LRRIQ1: variants seen among roughly 807,000 people sequenced by gnomAD.
LRRIQ1 encodes leucine-rich repeat- and IQ domain-containing protein 1.
In LRRIQ1, 210 loss-of-function variants were observed where a neutral mutation model predicts 211.9. The observed-to-expected ratio is 0.99, with a 90% CI of 0.89 to 1.11. The LOEUF is 1.11. LRRIQ1 is among the 50% of genes most tolerant of loss of function. LRRIQ1 has a pLI of 0.00. For missense variants in LRRIQ1, 2,136 were observed against 1,939.5 expected, an observed-to-expected ratio of 1.10 and a Z score of -1.90; for synonymous variants, 699 against 650.1, an observed-to-expected ratio of 1.08 and a Z score of -1.14.
At chr12:85,109,000 C>T (rs1178095713) in intron 15 of LRRIQ1, among the ~76,000 whole-genome samples, 1 of 151,968 alleles carries the variant, frequency 6.6e-6, no homozygotes, top group Non-Finnish European at 1.5e-5. Flanking sequence ...GCTATAACAC[C>T]TGATCCTAGG....
At chr12:85,221,079 T>C (rs1894381079) in intron 24 of LRRIQ1, among the ~76,000 whole-genome samples, 2 of 152,122 alleles carry the variant, frequency 1.3e-5, no homozygotes, top group African/African-American at 4.8e-5. Flanking sequence ...CCCAAAGTGC[T>C]GGAATTACAG....
chr12:85,061,153 G>A (rs570236599), intron 8 of LRRIQ1, among the ~76,000 whole-genome samples: 149 of 151,756 alleles, frequency 9.8e-4, no homozygotes, highest in African/African-American at 3.4e-3. Context: ...TTTATTTTAA[G>A]AAACATTTAC....
At chr12:85,148,751 A>G (rs1319997908) in intron 19 of LRRIQ1, among the ~76,000 whole-genome samples, 1 of 151,812 alleles carries the variant, frequency 6.6e-6, no homozygotes, top group East Asian at 1.9e-4. Flanking sequence ...GTTGAACTAA[A>G]TTACATTACC....
rs994769597 is a variant in LRRIQ1 at position 85,153,785 on chromosome 12, AT to A, written c.4637+29del. The A allele has an allele frequency of 8.7e-6, 12 of 1,372,886 alleles. No homozygotes were observed. In the African/African-American group the frequency reaches 1.2e-4, roughly 14 times the overall value. 85.0% of individuals were successfully genotyped at this position (1,372,886 alleles called of 1,614,324 possible). On this transcript the variant is annotated intron_variant, in intron 22 of 26. Transcript: ENST00000393217. Reference sequence around the variant, plus strand: ...TATGTAGTCAATTTGACACTAATAAATTAAAAAATTGAGAGATTGCTAAAAG... The same window carrying A: ...TATGTAGTCAATTTGACACTAATAAATAAAAAATTGAGAGATTGCTAAAAG...
chr12:85,207,806 G>A (rs1893637277), intron 24 of LRRIQ1, among the ~76,000 whole-genome samples: 1 of 151,984 alleles, frequency 6.6e-6, no homozygotes, highest in African/African-American at 2.4e-5. Flanking sequence ...CTATTGTATT[G>A]CCTTTTCTCT....
intron 23 of LRRIQ1, among the ~76,000 whole-genome samples, chr12:85,157,978 G>A (rs902932429): frequency 2.0e-5 from 3 of 151,570 alleles, no homozygotes; most frequent in African/African-American, 7.3e-5. Flanking sequence ...TAAGGGGGAG[G>A]GACCAGCAGG....
intron 24 of LRRIQ1, among the ~76,000 whole-genome samples, chr12:85,160,949 T>G (rs1199042643): frequency 1.3e-5 from 2 of 152,026 alleles, no homozygotes; most frequent in African/African-American, 4.8e-5. Context: ...AATTTTAATT[T>G]TTTTATTTAT....
intron 24 of LRRIQ1, among the ~76,000 whole-genome samples, chr12:85,187,809 CA>C (rs749849862): frequency 0.016 from 1,599 of 97,488 alleles, 23 homozygotes; most frequent in African/African-American, 0.05. Context: ...AACTTCATCT[CA>C]AAAAAAAAAA....
In LRRIQ1 at chr12:85,192,616, C is replaced by A. The variant is rs11608426; in HGVS notation, c.4822+31902C>A. Among the ~76,000 whole-genome samples, 55 of 100,088 alleles carry A rather than the reference C, an allele frequency of 5.5e-4. 11 individuals carry two copies. Among genetic ancestry groups the A allele is most frequent in the African/African-American group, 2.1e-3 (47 of 22,204 alleles). 65.7% of individuals were successfully genotyped at this position (100,088 alleles called of 152,430 possible). A position where few individuals can be genotyped will look rare whatever the true frequency, so the allele number is the denominator to read the frequency against. ...ATAATTGTGTATATATAGTTATATA[C>A]TATAATTATAAATAAATATATATAG... On this transcript the variant is annotated intron_variant, in intron 24 of 26. Coordinates refer to ENST00000393217, the MANE Select transcript of LRRIQ1 (RefSeq NM_001079910.2).
At position 85,127,909 on chromosome 12, in the gene LRRIQ1, A is replaced by G; in HGVS notation, c.4085A>G (p.His1362Arg). Reference protein sequence around the residue: ...RRQTHFSTRLHTAATEGLPNS... With the variant: ...RRQTHFSTRLRTAATEGLPNS... ...CAGACTCATTTCTCCACAAGGCTAC[A>G]TACTGCTGCAACAGAAGGCCTGCCA... is the stretch of plus-strand genomic sequence containing the variant. The change falls in exon 18 of 27, where the codon CAT (histidine) becomes CGT (arginine). Residue 1362 changes from histidine to arginine, a missense_variant. Transcript: ENST00000393217. 1.9e-6 allele frequency: 3 copies of G among 1,614,058 alleles called. No homozygotes were observed. Among genetic ancestry groups the G allele is most frequent in the South Asian group, 2.2e-5 (2 of 91,080 alleles).
chr12:85,156,287 A>T (rs1592897806), intron 23 of LRRIQ1, among the ~76,000 whole-genome samples: 1 of 151,780 alleles, frequency 6.6e-6, no homozygotes, highest in South Asian at 2.1e-4. Flanking sequence ...GATAAGTTTT[A>T]TACTCTTCTC....
At chr12:85,104,826 T>C (rs1886653418) in intron 14 of LRRIQ1, among the ~76,000 whole-genome samples, 1 of 152,046 alleles carries the variant, frequency 6.6e-6, no homozygotes, top group South Asian at 2.1e-4. Context: ...AATTGTTGGA[T>C]AATAGAGTAG....
chr12:85,219,819 A>C (rs954878918), intron 24 of LRRIQ1, among the ~76,000 whole-genome samples: 9 of 152,148 alleles, frequency 5.9e-5, no homozygotes, highest in Non-Finnish European at 8.8e-5. Flanking sequence ...TGTCACACAC[A>C]AATGGCTCTT....
chr12:85,193,462 A>G (rs1301953147), intron 24 of LRRIQ1, among the ~76,000 whole-genome samples: 10 of 139,172 alleles, frequency 7.2e-5, no homozygotes. Flanking sequence ...CATCAGACTA[A>G]CAGTGGATCT....
intron 24 of LRRIQ1, among the ~76,000 whole-genome samples, chr12:85,212,787 TAG>T (rs372060277): frequency 6.7e-6 from 1 of 148,206 alleles, no homozygotes; most frequent in Non-Finnish European, 1.5e-5. Context: ...TATATATATA[TAG>T]AGAGAGAGAG....
chr12:85,250,164 A>G (rs2137296244), intron 1 of LRRIQ1, among the ~76,000 whole-genome samples: 1 of 151,954 alleles, frequency 6.6e-6, no homozygotes, highest in East Asian at 1.9e-4. Context: ...GATGCATCAG[A>G]GCTAGGAAAA....
At chr12:85,068,840 A>G (rs1179121613) in intron 10 of LRRIQ1, among the ~76,000 whole-genome samples, 1 of 150,976 alleles carries the variant, frequency 6.6e-6, no homozygotes, top group African/African-American at 2.4e-5. Flanking sequence ...GAATTGTCTT[A>G]CAGAATGTCC....
chr12:85,049,931 C>T (rs189427168), intron 6 of LRRIQ1, among the ~76,000 whole-genome samples: 1 of 152,282 alleles, frequency 6.6e-6, no homozygotes, highest in East Asian at 1.9e-4. Flanking sequence ...TCTGTCACAT[C>T]TTTGGCAATT....
chr12:85,057,083 A>C lies in LRRIQ1; in HGVS notation c.2290A>C (p.Ile764Leu). ...TTTCAAGCAAAATCAACAAAAGAAA[A>C]TTGTTAGAAGAAAGAGACCTGTGAA... is the stretch of plus-strand genomic sequence containing the variant. Reference protein sequence around the residue: ...EIFKQNQQKKIVRRKRPVKCP... With the variant: ...EIFKQNQQKKLVRRKRPVKCP... The change falls in exon 8 of 27, where the codon ATT becomes CTT. Residue 764 changes from isoleucine (I) to leucine (L), a missense_variant. By Grantham distance (5) the Ile-to-Leu change is conservative. Coordinates refer to ENST00000393217, the MANE Select transcript of LRRIQ1 (RefSeq NM_001079910.2). The C allele has an allele frequency of 6.2e-7, 1 of 1,608,778 alleles. No homozygotes were observed. The highest frequency in any genetic ancestry group is 8.5e-7 in the Non-Finnish European group (1 of 1,178,288).
Sources: gnomAD v4.1 joint callset for allele counts (sites outside exome capture counted in the v4.1 genomes callset) on GRCh38, gnomAD v4.1.1 for gene constraint, MANE v1.5 for transcripts, NCBI Gene and HGNC (gene_info 2026-07-23, HGNC 2026-07-21) for gene names.